Variants in WDFY4 observed in about 807,000 individuals in gnomAD.
The protein encoded by WDFY4 is WDFY family member 4.
WDFY4 carries 169 observed loss-of-function variants against 351.9 expected under a neutral mutation model. That is an observed-to-expected ratio of 0.48 (90% CI 0.42 to 0.55). The LOEUF is 0.55. Among genes scored for constraint, WDFY4 ranks in the 20% least tolerant of loss-of-function variants. WDFY4 has a pLI of 0.00. For missense variants in WDFY4, 3,803 were observed against 3,935.6 expected, an observed-to-expected ratio of 0.97 and a Z score of 0.90; for synonymous variants, 1,622 against 1,574.6, an observed-to-expected ratio of 1.03 and a Z score of -0.71.
chr10:48,860,892 T>C (rs1564425364), intron 39 of WDFY4, among the ~76,000 whole-genome samples: 1 of 152,178 alleles, frequency 6.6e-6, no homozygotes, highest in Non-Finnish European at 1.5e-5. Context: ...ACATTCTGCA[T>C]GTTTTTGTTT....
At chr10:48,842,046 C>A (rs1043063372) in intron 39 of WDFY4, among the ~76,000 whole-genome samples, 1 of 152,026 alleles carries the variant, frequency 6.6e-6, no homozygotes, top group Admixed American at 6.5e-5. Flanking sequence ...GAGAAAGTCT[C>A]TACTCATGAC....
chr10:48,779,082 T>C (rs1027180987), intron 18 of WDFY4, among the ~76,000 whole-genome samples: 3 of 152,218 alleles, frequency 2.0e-5, no homozygotes, highest in Non-Finnish European at 4.4e-5. Context: ...GCTTCAGAGA[T>C]GATGCTCAGT....
intron 47 of WDFY4, among the ~76,000 whole-genome samples, chr10:48,927,616 C>T (rs909197018): frequency 6.6e-6 from 1 of 152,162 alleles, no homozygotes; most frequent in Non-Finnish European, 1.5e-5. Context: ...GCTTTGTCTG[C>T]CCCTAGTATT....
intron 47 of WDFY4, among the ~76,000 whole-genome samples, chr10:48,924,686 CT>C (rs1163939497): frequency 2.0e-5 from 3 of 152,094 alleles, no homozygotes; most frequent in Non-Finnish European, 2.9e-5. Flanking sequence ...TTAATTTTTT[CT>C]CTTTAGTCAT....
At position 48,873,684 on chromosome 10, in the gene WDFY4, C is replaced by T. The variant is rs2069874856; in HGVS notation, c.6935C>T (p.Ser2312Leu). Residue 2312 changes from serine to leucine, a missense_variant, in exon 41 of 62, where the codon TCA becomes TTA. Ser to Leu is a moderately radical substitution (Grantham distance 145). Transcript: ENST00000325239. ...TTGTCTCCTTTGGAGGCCCTGAGCT[C>T]AGGAAGGCACAAGGTAGGAGTCAGG... ...KRLSPLEALS[S>L]GRHKESQDKN... The T allele has an allele frequency of 1.9e-6, 3 of 1,551,598 alleles. No homozygotes were observed. The highest frequency in any genetic ancestry group is 2.6e-6 in the Non-Finnish European group (3 of 1,147,004).
intron 43 of WDFY4, among the ~76,000 whole-genome samples, chr10:48,882,408 T>A (rs2070289923): frequency 6.6e-6 from 1 of 152,234 alleles, no homozygotes; most frequent in African/African-American, 2.4e-5. Context: ...AACAGCTAGA[T>A]GTCAGAAGCC....
At chr10:48,761,808 C>T (rs932649904) in intron 13 of WDFY4, among the ~76,000 whole-genome samples, 3 of 152,250 alleles carry the variant, frequency 2.0e-5, no homozygotes, top group African/African-American at 7.2e-5. Flanking sequence ...GATTCATTGG[C>T]TTGAGCAGCT....
Position 48,820,994 on chromosome 10 carries a change from A to G in WDFY4, c.5710-68A>G. The G allele has an allele frequency of 2.7e-6, 3 of 1,098,368 alleles. No individual in the cohort carries two copies. The South Asian group carries it at 4.0e-5, about 15-fold the overall frequency. 68.0% of individuals were successfully genotyped at this position (1,098,368 alleles called of 1,614,324 possible). ...CATAAGTGTCCCAGCCAGGCTAGGG[A>G]GGCGGTGGGCACTGGGTGCACACGA... On this transcript the variant is annotated intron_variant, in intron 33 of 61. Coordinates refer to ENST00000325239, the MANE Select transcript of WDFY4 (RefSeq NM_001394531.1).
intron 47 of WDFY4, among the ~76,000 whole-genome samples, chr10:48,923,412 A>G (rs571626568): frequency 2.0e-5 from 3 of 151,090 alleles, no homozygotes; most frequent in Admixed American, 6.6e-5. Context: ...GCTTCTCCCC[A>G]TGGTAGATTT....
Position 48,786,630 on chromosome 10 carries a change from T to G in WDFY4, c.3577-9T>G. ...ACACTACTCACTCTTGTCCTTTTTA[T>G]TTTAACAGATGTTATACATCCAGGC... On this transcript the variant is annotated splice_polypyrimidine_tract_variant and intron_variant, in intron 19 of 61. Coordinates refer to ENST00000325239, the MANE Select transcript of WDFY4 (RefSeq NM_001394531.1). 1 of 1,546,974 alleles carries G rather than the reference T, an allele frequency of 6.5e-7. No homozygotes were observed. The highest frequency in any genetic ancestry group is 8.7e-7 in the Non-Finnish European group (1 of 1,144,950).
intron 47 of WDFY4, among the ~76,000 whole-genome samples, chr10:48,933,383 A>C (rs1840152493): frequency 1.3e-5 from 2 of 152,342 alleles, no homozygotes; most frequent in Non-Finnish European, 2.9e-5. Flanking sequence ...TGGAGCCAGC[A>C]TCTCTCTGGT....
intron 13 of WDFY4, among the ~76,000 whole-genome samples, chr10:48,769,157 A>G (rs2065778035): frequency 6.6e-6 from 1 of 152,184 alleles, no homozygotes; most frequent in Admixed American, 6.5e-5. Flanking sequence ...AGATCTGCCT[A>G]GTTACGTTGA....
chr10:48,804,926 C>T (rs926994388), intron 25 of WDFY4, among the ~76,000 whole-genome samples: 2 of 152,112 alleles, frequency 1.3e-5, no homozygotes, highest in South Asian at 2.1e-4. Flanking sequence ...AAGTACTCCC[C>T]AGTCACATGA....
intron 25 of WDFY4, chr10:48,804,777 G>GAT: frequency 1.1e-6 from 1 of 911,788 alleles, no homozygotes; most frequent in Non-Finnish European, 1.2e-6. Context: ...ATCTGAGGGA[G>GAT]GGGGTATGGA....
intron 4 of WDFY4, 62 bp from the exon 5 acceptor site, chr10:48,723,371 G>A (rs1369807736): frequency 6.5e-7 from 1 of 1,530,562 alleles, no homozygotes; most frequent in African/African-American, 1.4e-5. Context: ...CTGATCCTGG[G>A]TCTGGGCTGA....
intron 39 of WDFY4, among the ~76,000 whole-genome samples, chr10:48,845,689 A>G (rs144102256): frequency 1.8e-4 from 27 of 152,252 alleles, no homozygotes; most frequent in African/African-American, 6.3e-4. Flanking sequence ...GTATTTATTT[A>G]TATTCTGACT....
rs935525621 is a variant in WDFY4 at position 48,697,397 on chromosome 10, C to T, written c.-17-12319C>T. On this transcript the variant is annotated intron_variant, in intron 1 of 61. Transcript: ENST00000325239. ...CTCACCTGGGGACGTGTTGCAATCACCTTAGACCTTGTAGCCAACACTTAC... is the reference window on the plus strand; with the variant it reads ...CTCACCTGGGGACGTGTTGCAATCATCTTAGACCTTGTAGCCAACACTTAC... 2.0e-5 allele frequency among the ~76,000 whole-genome samples: 3 copies of T among 152,330 alleles called. No homozygotes were observed. In the East Asian group the frequency reaches 5.8e-4, roughly 29 times the overall value.
chr10:48,960,562 C>T (rs1841811882), intron 53 of WDFY4, among the ~76,000 whole-genome samples: 1 of 152,164 alleles, frequency 6.6e-6, no homozygotes, highest in Admixed American at 6.5e-5. Context: ...AGCATTTTCC[C>T]TTGTAGATAT....
chr10:48,810,400 T>C (rs2067406779), intron 28 of WDFY4, 130 bp from the exon 29 acceptor site: 1 of 776,168 alleles, frequency 1.3e-6, no homozygotes, highest in Non-Finnish European at 2.0e-6. Context: ...TTAAATGTAA[T>C]ACATAATAAG....
Sources: allele counts gnomAD v4.1 joint callset (sites outside exome capture counted in the v4.1 genomes callset), GRCh38; gene constraint gnomAD v4.1.1; transcripts MANE v1.5; gene names NCBI Gene and HGNC (gene_info 2026-07-23, HGNC 2026-07-21).